Variants in OGG1 observed in about 807,000 individuals in gnomAD.
The protein encoded by OGG1 is 8-oxoguanine DNA glycosylase, also known as N-glycosylase/DNA lyase.
OGG1 carries 35 observed loss-of-function variants against 42.3 expected under a neutral mutation model. The observed-to-expected ratio is 0.83, with a 90% CI of 0.63 to 1.10. OGG1 has a LOEUF of 1.10. Among genes scored for constraint, OGG1 ranks in the 50% least tolerant of loss-of-function variants. The probability of loss-of-function intolerance (pLI) is 0.00; values close to 1 mark genes in which losing one functional copy is unlikely to be tolerated. For synonymous variants in OGG1, 189 were observed against 179.0 expected (o/e 1.06, Z -0.44); for missense variants, 484 against 446.7 (o/e 1.08, Z -0.75).
At chr3:9,787,836 C>A in exon 4 of OGG1, 1 of 677,860 alleles carries the variant, frequency 1.5e-6, no homozygotes, top group Non-Finnish European at 2.3e-6. Context: ...TGAAAGAGTG[C>A]TTTGGTGGAG....
intron 2 of OGG1, among the ~76,000 whole-genome samples, chr3:9,771,818 T>G (rs1237243926): frequency 1.4e-5 from 2 of 139,382 alleles, no homozygotes; most frequent in African/African-American, 5.4e-5. Flanking sequence ...TTCTTTTTTT[T>G]TTTTTTTTTT....
chr3:9,766,241 G>T (rs1221800666), exon 8 of OGG1: 1 of 714,896 alleles, frequency 1.4e-6, no homozygotes, highest in Middle Eastern at 2.3e-4. Context: ...TAACACAAAG[G>T]AAGTCCAACC....
At chr3:9,760,733 T>G, downstream of OGG1, 2 of 1,614,048 alleles carry the variant, frequency 1.2e-6, no homozygotes, top group Non-Finnish European at 1.7e-6. Context: ...GAGTTTGGCA[T>G]CATTCTCGTC....
intron 3 of OGG1, chr3:9,784,012 T>C (rs1247814639): frequency 1.2e-6 from 2 of 1,607,928 alleles, no homozygotes; most frequent in Non-Finnish European, 8.5e-7. Flanking sequence ...GGACTGTGCA[T>C]CCTGCTAACG....
At chr3:9,781,398 T>A (rs992684221) in intron 2 of OGG1, 1 of 423,426 alleles carries the variant, frequency 2.4e-6, no homozygotes, top group Non-Finnish European at 4.9e-6. Flanking sequence ...ATTATTCATA[T>A]GTTACCCGTG....
At chr3:9,786,823 A>G (rs554496865) in intron 3 of OGG1, among the ~76,000 whole-genome samples, 2 of 152,364 alleles carry the variant, frequency 1.3e-5, no homozygotes, top group East Asian at 3.9e-4. Flanking sequence ...GCACTTTTCT[A>G]TTAGGTGCAC....
chr3:9,781,640 GATTTATAC>G, intron 3 of OGG1: 1 of 441,218 alleles, frequency 2.3e-6, no homozygotes, highest in Non-Finnish European at 4.7e-6. Context: ...AACAGGGTCT[GATTTATAC>G]ATTTCATCGA....
intron 3 of OGG1, among the ~76,000 whole-genome samples, chr3:9,786,596 G>C (rs1201651067): frequency 6.6e-6 from 1 of 152,176 alleles, no homozygotes; most frequent in Non-Finnish European, 1.5e-5. Flanking sequence ...CTGTAACACA[G>C]CGTTAACCAC....
At chr3:9,754,934 A>C in intron 4 of OGG1, 49 bp downstream of exon 4, 1 of 1,504,490 alleles carries the variant, frequency 6.6e-7, no homozygotes, top group African/African-American at 1.4e-5. Context: ...CACTAAGAGG[A>C]GAGCAGGAAA....
Position 9,764,611 on chromosome 3 carries a change from G to GTTTT in OGG1, c.1049-1196_1049-1193dup, listed in dbSNP as rs1310854701. Among the ~76,000 whole-genome samples, 117 of 125,110 alleles carry GTTTT rather than the reference G, an allele frequency of 9.4e-4. 13 individuals carry two copies. The highest frequency in any genetic ancestry group is 4.3e-3 in the East Asian group (14 of 3,242). The allele number at this position is 125,110 out of a possible 152,430, so 82.1% of individuals were successfully genotyped here. On this transcript the variant is annotated intron_variant, in intron 7 of 7. Transcript: ENST00000302008. The stretch of plus-strand genomic sequence containing the variant: ...ACAGGCGTGAGCCACTGCGCCTGGC[G>GTTTT]TTTTTGTTTTTTTTTTGTTTTTTTT...
In OGG1 at chr3:9,780,214, C is replaced by G. The variant is rs146607980; in HGVS notation, c.295-1299C>G. 147 of 846,148 alleles carry G rather than the reference C, an allele frequency of 1.7e-4. No individual in the cohort carries two copies. In the African/African-American group the frequency reaches 2.4e-3, roughly 14 times the overall value. 52.4% of individuals were successfully genotyped at this position (846,148 alleles called of 1,614,324 possible). A position where few individuals can be genotyped will look rare whatever the true frequency, so the allele number is the denominator to read the frequency against. The stretch of plus-strand genomic sequence containing the variant: ...GTTGTACAGAGCTAGGCCAAAAGAC[C>G]TCAGGGGAAGGGCCACGGCCCTCTA... On this transcript the variant is annotated intron_variant, in intron 2 of 3. Coordinates refer to the OGG1 transcript ENST00000426518.
At position 9,751,862 on chromosome 3, in the gene OGG1, G is replaced by C. The variant is rs2077317150; in HGVS notation, c.478G>C (p.Glu160Gln). 1.9e-6 allele frequency: 3 copies of C among 1,614,028 alleles called. No individual in the cohort carries two copies. Among genetic ancestry groups the C allele is most frequent in the South Asian group, 1.1e-5 (1 of 91,090 alleles). Reference sequence around the variant, plus strand: ...CATCGCCCGCATCACTGGCATGGTGGAGCGGCTGTGCCAGGCTTTTGGACC... The same window carrying C: ...CATCGCCCGCATCACTGGCATGGTGCAGCGGCTGTGCCAGGCTTTTGGACC... ...NNIARITGMV[E>Q]RLCQAFGPRL... The change falls in exon 3 of 7, where the codon GAG becomes CAG. Residue 160 changes from glutamate to glutamine, a missense_variant. Transcript: ENST00000344629.
intron 3 of OGG1, chr3:9,786,922 G>A: frequency 7.7e-7 from 1 of 1,290,886 alleles, no homozygotes; most frequent in Non-Finnish European, 1.1e-6. Context: ...CCTAATAAAT[G>A]TATGATAAAT....
At chr3:9,781,993 CCTAG>C (rs931393385) in intron 3 of OGG1, among the ~76,000 whole-genome samples, 1 of 151,958 alleles carries the variant, frequency 6.6e-6, no homozygotes, top group African/African-American at 2.4e-5. Context: ...TGCCACCATG[CCTAG>C]CTGATTTTTA....
At chr3:9,785,148 A>G (rs1012956486) in intron 3 of OGG1, among the ~76,000 whole-genome samples, 4 of 152,212 alleles carry the variant, frequency 2.6e-5, no homozygotes, top group Admixed American at 1.3e-4. Context: ...CCCTGCACTC[A>G]GTCTGTGCAT....
rs760740464 is a variant in OGG1 at position 9,754,894 on chromosome 3, C to G, written c.747+9C>G. The stretch of plus-strand genomic sequence containing the variant: ...CTGGAGTGGGCACCAAGGTGAGGCC[C>G]CAGGGGGTAGGAGCTGCCCTCTCTA... On this transcript the variant is annotated intron_variant, in intron 4 of 6. Coordinates refer to ENST00000344629, the MANE Select transcript of OGG1 (RefSeq NM_002542.6). 2 of 1,579,074 alleles carry G rather than the reference C, an allele frequency of 1.3e-6. No individual in the cohort carries two copies. Among genetic ancestry groups the G allele is most frequent in the South Asian group, 2.3e-5 (2 of 86,730 alleles).
At chr3:9,755,984 A>G (rs975365103) in intron 4 of OGG1, among the ~76,000 whole-genome samples, 1 of 152,084 alleles carries the variant, frequency 6.6e-6, no homozygotes, top group African/African-American at 2.4e-5. Flanking sequence ...TGGCCCACAT[A>G]GGTGTTCAGC....
At chr3:9,783,266 T>C (rs938363692) in intron 3 of OGG1, 2 of 151,618 alleles carry the variant, frequency 1.3e-5, no homozygotes, top group African/African-American at 2.4e-5. Flanking sequence ...ACAATGTGAA[T>C]ATGGGTAACA....
intron 2 of OGG1, among the ~76,000 whole-genome samples, chr3:9,778,941 C>T (rs778836308): frequency 3.3e-5 from 5 of 152,166 alleles, no homozygotes; most frequent in Non-Finnish European, 7.3e-5. Flanking sequence ...TAGGTCACTT[C>T]CTTAGGGAAT....
Sources: gnomAD v4.1 joint callset for allele counts (sites outside exome capture counted in the v4.1 genomes callset) on GRCh38, gnomAD v4.1.1 for gene constraint, MANE v1.5 for transcripts, NCBI Gene and HGNC (gene_info 2026-07-23, HGNC 2026-07-21) for gene names.